The following DPPA2 variants were observed in gnomAD, a reference collection of about 807,000 sequenced individuals.
The protein encoded by DPPA2 is developmental pluripotency-associated protein 2.
Under a neutral mutation model 36.2 loss-of-function variants are expected in DPPA2, and 26 were observed. That is an observed-to-expected ratio of 0.72 (90% CI 0.53 to 1.00). The LOEUF (loss-of-function observed/expected upper bound fraction) is 1.00. Ranked by LOEUF, DPPA2 falls within the 50% of genes least tolerant of loss-of-function variation. The pLI, the probability that DPPA2 is intolerant of heterozygous loss-of-function variation, is 0.00. For missense variants in DPPA2, 361 were observed against 365.1 expected (o/e 0.99, Z 0.09); for synonymous variants, 113 against 123.2 (o/e 0.92, Z 0.55).
intron 3 of DPPA2, among the ~76,000 whole-genome samples, chr3:109,311,374 A>T (rs1369950586): frequency 6.6e-6 from 1 of 152,174 alleles, no homozygotes; most frequent in Non-Finnish European, 1.5e-5. Context: ...CACTCTGCTT[A>T]GCTCTAACCC....
In DPPA2 at chr3:109,314,625, A is replaced by T. The variant is rs188513022; in HGVS notation, c.-13-70T>A. The T allele has an allele frequency of 6.3e-6, 9 of 1,439,892 alleles. No individual in the cohort carries two copies. In the East Asian group the frequency reaches 2.1e-4, roughly 33 times the overall value. The allele number at this position is 1,439,892 out of a possible 1,614,324, so 89.2% of individuals were successfully genotyped here. A position where few individuals can be genotyped will look rare whatever the true frequency, so the allele number is the denominator to read the frequency against. On this transcript the variant is annotated intron_variant, in intron 1 of 8. Coordinates refer to ENST00000478945, the MANE Select transcript of DPPA2 (RefSeq NM_138815.4). ...TTCTCTTAACCTGCTTTCTCCTTTTATAAGCAAATGTTTCCTTCTACTTCC... is the reference window on the plus strand; with the variant it reads ...TTCTCTTAACCTGCTTTCTCCTTTTTTAAGCAAATGTTTCCTTCTACTTCC...
intron 7 of DPPA2, among the ~76,000 whole-genome samples, chr3:109,302,605 C>T (rs1400036440): frequency 6.6e-6 from 1 of 152,070 alleles, no homozygotes; most frequent in Non-Finnish European, 1.5e-5. Context: ...AGGCACATGC[C>T]ACTACGCCCA....
intron 8 of DPPA2, among the ~76,000 whole-genome samples, chr3:109,296,151 G>T (rs1707347321): frequency 6.6e-6 from 1 of 152,028 alleles, no homozygotes; most frequent in Non-Finnish European, 1.5e-5. Flanking sequence ...CAAAATTAAT[G>T]ACATACAAAA....
At chr3:109,310,568 C>T (rs554281168) in intron 3 of DPPA2, among the ~76,000 whole-genome samples, 33 of 151,302 alleles carry the variant, frequency 2.2e-4, no homozygotes, top group South Asian at 4.2e-4. Context: ...TGCAGTGGCG[C>T]GATCTCAGCT....
At chr3:109,313,771 A>T (rs745699682) in intron 2 of DPPA2, among the ~76,000 whole-genome samples, 3 of 152,172 alleles carry the variant, frequency 2.0e-5, no homozygotes, top group Non-Finnish European at 4.4e-5. Flanking sequence ...CCTCTTCAGT[A>T]GTTTCCCATT....
At chr3:109,306,794 C>T (rs1021916913) in intron 6 of DPPA2, among the ~76,000 whole-genome samples, 1 of 150,602 alleles carries the variant, frequency 6.6e-6, no homozygotes, top group African/African-American at 2.5e-5. Flanking sequence ...GGAGAAATCT[C>T]GCCTCTACTG....
intron 3 of DPPA2, among the ~76,000 whole-genome samples, chr3:109,312,334 C>CA (rs1268780887): frequency 6.6e-6 from 1 of 151,984 alleles, no homozygotes; most frequent in Non-Finnish European, 1.5e-5. Flanking sequence ...ACTCCATCTC[C>CA]AAAAAATAAA....
At chr3:109,307,972 G>T in intron 6 of DPPA2, 60 bp downstream of exon 6, 1 of 1,563,162 alleles carries the variant, frequency 6.4e-7, no homozygotes, top group South Asian at 1.2e-5. Context: ...TTCAGTCTTG[G>T]ACTAATAAAA....
chr3:109,307,938 C>A, intron 6 of DPPA2, 94 bp downstream of exon 6: 1 of 1,440,870 alleles, frequency 6.9e-7, no homozygotes. Flanking sequence ...GATATTTTAG[C>A]AAATGCCTTC....
intron 7 of DPPA2, among the ~76,000 whole-genome samples, chr3:109,301,053 A>G (rs570473815): frequency 2.0e-5 from 3 of 149,460 alleles, no homozygotes; most frequent in Non-Finnish European, 4.4e-5. Context: ...GCACTATCAC[A>G]GTTCACTGCA....
intron 8 of DPPA2, among the ~76,000 whole-genome samples, chr3:109,295,923 T>G (rs765714886): frequency 3.3e-5 from 5 of 152,198 alleles, no homozygotes; most frequent in Non-Finnish European, 7.3e-5. Context: ...ACTGCCTTCA[T>G]GGACTCATCT....
chr3:109,316,083 T>TA (rs1220524224), intron 1 of DPPA2, among the ~76,000 whole-genome samples: 1 of 152,036 alleles, frequency 6.6e-6, no homozygotes, highest in Non-Finnish European at 1.5e-5. Context: ...TTTCTTTTTT[T>TA]AGACAGGCTC....
chr3:109,303,331 A>C (rs909857788), intron 7 of DPPA2, among the ~76,000 whole-genome samples: 4 of 151,552 alleles, frequency 2.6e-5, no homozygotes, highest in African/African-American at 9.7e-5. Context: ...AAGCTATTCC[A>C]ATATAGATTC....
At chr3:109,312,394 T>C in intron 3 of DPPA2, 151 bp downstream of exon 3, 1 of 921,310 alleles carries the variant, frequency 1.1e-6, no homozygotes, top group Non-Finnish European at 1.6e-6. Flanking sequence ...GCGAGAAGTA[T>C]GAGAGTTTGC....
chr3:109,294,922 G>A (rs2107297009), intron 8 of DPPA2, among the ~76,000 whole-genome samples: 1 of 152,284 alleles, frequency 6.6e-6, no homozygotes, highest in Admixed American at 6.5e-5. Flanking sequence ...TTAAGAGGCT[G>A]AGGCTGGAGA....
At chr3:109,314,381 G>A in intron 2 of DPPA2, 129 bp downstream of exon 2, 1 of 896,106 alleles carries the variant, frequency 1.1e-6, no homozygotes, top group Non-Finnish European at 1.6e-6. Flanking sequence ...CAAAGAAGAG[G>A]AGGTTTCAAG....
chr3:109,304,131 G>A (rs142459613), intron 7 of DPPA2, among the ~76,000 whole-genome samples: 8,263 of 152,056 alleles, frequency 0.054, 319 homozygotes, highest in Non-Finnish European at 0.088. Context: ...TTAGCTGGGC[G>A]TGGTGGTGCA....
intron 3 of DPPA2, among the ~76,000 whole-genome samples, chr3:109,309,797 C>G (rs1254558104): frequency 6.6e-6 from 1 of 151,900 alleles, no homozygotes; most frequent in East Asian, 1.9e-4. Flanking sequence ...GTAACAAGGC[C>G]GGGCACGGTG....
intron 3 of DPPA2, among the ~76,000 whole-genome samples, chr3:109,310,228 C>CAAA (rs1183674663): frequency 0.033 from 1,542 of 46,812 alleles, 41 homozygotes; most frequent in African/African-American, 0.11. Context: ...AACTCCGTCT[C>CAAA]AAAAAAAAAA....
Sources: allele counts gnomAD v4.1 joint callset (sites outside exome capture counted in the v4.1 genomes callset), GRCh38; gene constraint gnomAD v4.1.1; transcripts MANE v1.5; gene names NCBI Gene and HGNC (gene_info 2026-07-23, HGNC 2026-07-21).